The following TACC2 variants were observed in gnomAD, a reference collection of about 807,000 sequenced individuals.
TACC2 encodes the protein transforming acidic coiled-coil-containing protein 2.
In TACC2, 137 loss-of-function variants were observed where a neutral mutation model predicts 227.3. That is an observed-to-expected ratio of 0.60 (90% CI 0.52 to 0.69). The LOEUF (loss-of-function observed/expected upper bound fraction) is 0.69, where lower values mean the gene tolerates loss of function less well. Ranked by LOEUF, TACC2 falls within the 30% of genes least tolerant of loss-of-function variation. The pLI is 0.00. For missense variants in TACC2, 3,470 were observed against 3,694.4 expected (o/e 0.94, Z 1.57); for synonymous variants, 1,523 against 1,487.5 (o/e 1.02, Z -0.55).
chr10:122,074,892 C>T (rs566774995), intron 3 of TACC2, among the ~76,000 whole-genome samples: 6 of 152,104 alleles, frequency 3.9e-5, no homozygotes, highest in East Asian at 3.9e-4. Context: ...TCTTTGGGCA[C>T]GGTCTCAGCC....
At chr10:122,004,906 C>T (rs1173632861) in intron 1 of TACC2, among the ~76,000 whole-genome samples, 1 of 152,006 alleles carries the variant, frequency 6.6e-6, no homozygotes, top group African/African-American at 2.4e-5. Context: ...TGTATTTCCC[C>T]TTTTATCTAA....
chr10:122,148,311 C>A (rs1322670775), intron 7 of TACC2, among the ~76,000 whole-genome samples: 1 of 152,156 alleles, frequency 6.6e-6, no homozygotes, highest in Non-Finnish European at 1.5e-5. Context: ...ACCATGTCGA[C>A]CAGGCTGGTC....
intron 16 of TACC2, among the ~76,000 whole-genome samples, chr10:122,234,925 C>G (rs1038801990): frequency 7.2e-5 from 11 of 152,192 alleles, no homozygotes; most frequent in Non-Finnish European, 1.5e-5. Context: ...GTGCCCCAGT[C>G]TCTGAGATTC....
At chr10:122,105,690 A>G (rs2082682061) in intron 5 of TACC2, among the ~76,000 whole-genome samples, 1 of 148,758 alleles carries the variant, frequency 6.7e-6, no homozygotes, top group Admixed American at 6.8e-5. Context: ...GCACAATCTC[A>G]GCTCACTGCA....
intron 5 of TACC2, among the ~76,000 whole-genome samples, chr10:122,132,066 A>AAGAAAGAAAGAACG (rs1555059146): frequency 1.7e-5 from 1 of 58,250 alleles, no homozygotes; most frequent in African/African-American, 6.9e-5. Flanking sequence ...GAAAGAAAGA[A>AAGAAAGAAAGAACG]AAAGAAAGAA....
chr10:122,026,343 T>A (rs1055840791), intron 2 of TACC2, among the ~76,000 whole-genome samples: 4 of 138,576 alleles, frequency 2.9e-5, no homozygotes, highest in African/African-American at 1.1e-4. Context: ...AAAAGTATAA[T>A]TGTGATGAGG....
chr10:122,168,783 A>G (rs1251583216), intron 7 of TACC2, among the ~76,000 whole-genome samples: 3 of 151,910 alleles, frequency 2.0e-5, no homozygotes, highest in Non-Finnish European at 4.4e-5. Context: ...GTTTCTTTCC[A>G]CTGTCTACAG....
chr10:121,995,639 C>T (rs1313778996), intron 1 of TACC2, among the ~76,000 whole-genome samples: 1 of 152,202 alleles, frequency 6.6e-6, no homozygotes, highest in Non-Finnish European at 1.5e-5. Flanking sequence ...AGGCTTGGCA[C>T]TAGCACCCAC....
chr10:122,201,837 C>T (rs558048969), intron 8 of TACC2, among the ~76,000 whole-genome samples: 1 of 152,132 alleles, frequency 6.6e-6, no homozygotes, highest in Non-Finnish European at 1.5e-5. Context: ...GGGGGTGGTA[C>T]TAGAGACAGT....
intron 6 of TACC2, among the ~76,000 whole-genome samples, chr10:122,142,310 G>A (rs898160446): frequency 5.3e-5 from 8 of 152,342 alleles, no homozygotes; most frequent in Admixed American, 1.3e-4. Context: ...TGCTGTGGGC[G>A]GCCTGGCCCA....
chr10:122,177,438 A>C (rs947246459), intron 7 of TACC2, among the ~76,000 whole-genome samples: 1 of 152,148 alleles, frequency 6.6e-6, no homozygotes, highest in African/African-American at 2.4e-5. Flanking sequence ...GGATGATGGC[A>C]TGAACCTATA....
At chr10:122,229,104 GGGA>G (rs1050935882) in intron 14 of TACC2, among the ~76,000 whole-genome samples, 1 of 152,002 alleles carries the variant, frequency 6.6e-6, no homozygotes, top group Non-Finnish European at 1.5e-5. Context: ...GCGTGGGGGT[GGGA>G]GGACACTGAA....
intron 2 of TACC2, among the ~76,000 whole-genome samples, chr10:122,037,258 C>A (rs972378678): frequency 2.0e-5 from 3 of 152,242 alleles, no homozygotes; most frequent in African/African-American, 7.2e-5. Context: ...AGCTGTGCAG[C>A]CAGGGAGCTG....
intron 1 of TACC2, among the ~76,000 whole-genome samples, chr10:122,006,622 T>C (rs577255580): frequency 6.6e-6 from 1 of 152,260 alleles, no homozygotes; most frequent in East Asian, 1.9e-4. Context: ...TTAATTTTCC[T>C]AGGTATTTAG....
intron 1 of TACC2, among the ~76,000 whole-genome samples, chr10:122,012,517 G>T (rs1240778289): frequency 6.6e-6 from 1 of 150,906 alleles, no homozygotes; most frequent in African/African-American, 2.4e-5. Flanking sequence ...GCCTCCCAAA[G>T]TGCTAGGATT....
At chr10:122,094,167 T>C (rs1591920171) in intron 5 of TACC2, among the ~76,000 whole-genome samples, 1 of 152,358 alleles carries the variant, frequency 6.6e-6, no homozygotes, top group East Asian at 1.9e-4. Context: ...CAAGGAGCCT[T>C]TGGAAATGCA....
rs750399176 is a variant in TACC2, at chr10:122,254,161, T to G, written c.*105T>G. On this transcript the variant is annotated 3_prime_UTR_variant, in exon 23 of 23. Coordinates refer to ENST00000369005, the MANE Select transcript of TACC2 (RefSeq NM_206862.4). ...CAGGTTCTGTTTTCACTTTTTCGTA[T>G]GCACTACTGTATTTCCTTTCTAAAT... 6.8e-6 allele frequency: 6 copies of G among 881,468 alleles called. No individual in the cohort carries two copies. The highest frequency in any genetic ancestry group is 1.2e-5 in the Non-Finnish European group (6 of 514,168). The allele number at this position is 881,468 out of a possible 1,614,324, so 54.6% of individuals were successfully genotyped here. A position where few individuals can be genotyped will look rare whatever the true frequency, so the allele number is the denominator to read the frequency against.
chr10:122,133,400 ATCAGCTCAGAG>A (rs2088803899), intron 6 of TACC2, among the ~76,000 whole-genome samples: 1 of 152,072 alleles, frequency 6.6e-6, no homozygotes, highest in Non-Finnish European at 1.5e-5. Context: ...CTTTCCCAGA[ATCAGCTCAGAG>A]TCAGCTCAGA....
chr10:122,024,398 G>A (rs1368112901), intron 2 of TACC2, among the ~76,000 whole-genome samples: 1 of 152,164 alleles, frequency 6.6e-6, no homozygotes, highest in East Asian at 1.9e-4. Flanking sequence ...GAGGTCCCAT[G>A]TACCATTACT....
Sources: gnomAD v4.1 joint callset for allele counts (sites outside exome capture counted in the v4.1 genomes callset) on GRCh38, gnomAD v4.1.1 for gene constraint, MANE v1.5 for transcripts, NCBI Gene and HGNC (gene_info 2026-07-23, HGNC 2026-07-21) for gene names.